The following DLG5 variants were observed in gnomAD, a reference collection of about 807,000 sequenced individuals.
DLG5 encodes discs large MAGUK scaffold protein 5, also known as disks large homolog 5.
Under a neutral mutation model 189.8 loss-of-function variants are expected in DLG5, and 48 were observed. The observed-to-expected ratio is 0.25, with a 90% confidence interval of 0.20 to 0.32. The LOEUF (loss-of-function observed/expected upper bound fraction) is 0.32, where lower values mean the gene tolerates loss of function less well. DLG5 is among the 10% of genes least tolerant of loss of function. DLG5 has a pLI of 1.00. For missense variants in DLG5, 2,160 were observed against 2,544.7 expected, an observed-to-expected ratio of 0.85 and a Z score of 3.25; for synonymous variants, 1,016 against 1,054.1, an observed-to-expected ratio of 0.96 and a Z score of 0.70.
At chr10:77,825,529 A>G (rs1368943618) in intron 13 of DLG5, among the ~76,000 whole-genome samples, 1 of 152,006 alleles carries the variant, frequency 6.6e-6, no homozygotes, top group Admixed American at 6.6e-5. Context: ...GCAGCTTCCT[A>G]TGAATCTATA....
intron 2 of DLG5, among the ~76,000 whole-genome samples, chr10:77,860,359 G>A (rs557514879): frequency 1.3e-5 from 2 of 152,262 alleles, no homozygotes; most frequent in South Asian, 2.1e-4. Flanking sequence ...GTGCAGTGGC[G>A]CGATCTCGGC....
Position 77,869,132 on chromosome 10 carries a change from C to A in DLG5, c.370G>T (p.Val124Leu). ...CTCCCCAGACAGTGGTACTCACCCA[C>A]ACTGCTGAGGGAGCTGCTGCTTTCT... The part of the protein sequence containing the change: ...DSESSSSLSS[V>L]GTTGKAPSPP... Residue 124 changes from valine to leucine, a missense_variant, in exon 2 of 32, where the codon GTG (valine) becomes TTG (leucine). Val to Leu is a conservative substitution (Grantham distance 32). This residue lies in a region of DLG5 where 664 missense variants were observed against 838.5 expected (regional missense o/e 0.79). Transcript: ENST00000372391. 6.2e-7 allele frequency: 1 copy of A among 1,613,874 alleles called. No individual in the cohort carries two copies.
the DLG5 span, among the ~76,000 whole-genome samples, chr10:77,940,319 G>A: frequency 6.6e-6 from 1 of 152,160 alleles, no homozygotes; most frequent in South Asian, 2.1e-4. Flanking sequence ...GCAAGTGATG[G>A]TAGCTGACTC....
chr10:77,926,997 T>TCCGGCCCGGCTCGGAGG (rs1293669639), upstream of DLG5: 20 of 352,420 alleles, frequency 5.7e-5, no homozygotes, highest in African/African-American at 4.2e-4. This position sits in a 1 kb window ranked among gnomAD's most constrained non-coding sequence, Gnocchi z 5.2. Flanking sequence ...TCCCGACAGC[T>TCCGGCCCGGCTCGGAGG]CCGGCCCGGC....
rs188397599 is a variant in DLG5, at chr10:77,892,134, C to T, written c.305-22937G>A. The stretch of plus-strand genomic sequence containing the variant: ...GATGGCACAGCTTCCTGGGATGCCC[C>T]AGCTTCCCGGGATGCCCCAGCTAAT... On this transcript the variant is annotated intron_variant, in intron 1 of 31. Coordinates refer to ENST00000372391, the MANE Select transcript of DLG5 (RefSeq NM_004747.4). 2.9e-3 allele frequency among the ~76,000 whole-genome samples: 446 copies of T among 152,288 alleles called. 3 individuals carry two copies. The highest frequency in any genetic ancestry group is 4.5e-3 in the Non-Finnish European group (306 of 68,020).
chr10:77,873,373 A>G (rs1257880275), intron 1 of DLG5, among the ~76,000 whole-genome samples: 2 of 152,106 alleles, frequency 1.3e-5, no homozygotes, highest in Admixed American at 1.3e-4. Context: ...TGGAAGCTGC[A>G]GCCAAAACCC....
At position 77,856,453 on chromosome 10, in the gene DLG5, G is replaced by GACACACACACACAC. The variant is rs58908767; in HGVS notation, c.536+263_536+276dup. ...GGCAGGTCTAGGAGACAGTGGTAGGGACACACACACACACACACACACACA... is the reference window on the plus strand; with the variant it reads ...GGCAGGTCTAGGAGACAGTGGTAGGGACACACACACACACACACACACACACACACACACACACA... On this transcript the variant is annotated intron_variant, in intron 3 of 31. Transcript: ENST00000372391. Among the ~76,000 whole-genome samples, 21 of 149,970 alleles carry GACACACACACACAC rather than the reference G, an allele frequency of 1.4e-4. 1 individual carries two copies. The South Asian group carries it at 4.2e-3, about 30-fold the overall frequency.
intron 1 of DLG5, among the ~76,000 whole-genome samples, chr10:77,873,595 G>T (rs187935481): frequency 1.3e-5 from 2 of 152,008 alleles, no homozygotes; most frequent in Non-Finnish European, 2.9e-5. Context: ...GCCCTCCCAG[G>T]CCCCCTCCCA....
chr10:77,919,499 GAA>G (rs570632429), intron 1 of DLG5, among the ~76,000 whole-genome samples: 1 of 119,640 alleles, frequency 8.4e-6, no homozygotes. Flanking sequence ...TGAACTGGGG[GAA>G]AAAAAAAAAA....
intron 1 of DLG5, among the ~76,000 whole-genome samples, chr10:77,882,479 C>A (rs183639010): frequency 6.6e-6 from 1 of 152,310 alleles, no homozygotes; most frequent in East Asian, 1.9e-4. Flanking sequence ...CACTGCAAAT[C>A]TTTCCCAGTC....
At chr10:77,868,002 C>T (rs752885040) in intron 2 of DLG5, 17 of 456,556 alleles carry the variant, frequency 3.7e-5, no homozygotes, top group Admixed American at 9.4e-5. Flanking sequence ...TGTCGGCAAA[C>T]CAAGGAGCAC....
At chr10:77,801,776 A>G (rs1420129454) in intron 27 of DLG5, among the ~76,000 whole-genome samples, 1 of 152,206 alleles carries the variant, frequency 6.6e-6, no homozygotes, top group Admixed American at 6.5e-5. Flanking sequence ...ACCAGCAATG[A>G]GTGTGGCAGG....
the DLG5 span, among the ~76,000 whole-genome samples, chr10:77,940,329 C>A: frequency 2.0e-5 from 3 of 152,202 alleles, no homozygotes; most frequent in Non-Finnish European, 4.4e-5. Context: ...GTAGCTGACT[C>A]CCTTGCTATA....
chr10:77,841,829 C>T (rs1428965230), intron 7 of DLG5, 52 bp downstream of exon 7: 4 of 1,563,716 alleles, frequency 2.6e-6, no homozygotes, highest in Non-Finnish European at 3.5e-6. Context: ...AGCCCCTCTT[C>T]CCGGGATGCT....
rs1318856472 is a variant in DLG5 at position 77,817,861 on chromosome 10, C to T, written c.3700G>A (p.Asp1234Asn). 1.3e-6 allele frequency: 2 copies of T among 1,552,648 alleles called. No homozygotes were observed. Among genetic ancestry groups the T allele is most frequent in the Non-Finnish European group, 1.7e-6 (2 of 1,147,548 alleles). ...TCGCTGCAGGTCCTGTGGCTCAGGTCCAGGCTCAGGCGTCCCTGGTGCTGG... is the reference window on the plus strand; with the variant it reads ...TCGCTGCAGGTCCTGTGGCTCAGGTTCAGGCTCAGGCGTCCCTGGTGCTGG... The part of the protein sequence containing the change: ...SVQHQGRLSL[D>N]LSHRTCSDYS... The change falls in exon 18 of 32, where the codon GAC (aspartate) becomes AAC (asparagine). Residue 1234 changes from aspartate (D) to asparagine (N), a missense_variant. Physicochemically the swap from Asp to Asn is conservative, Grantham distance 23 (BLOSUM62 1). Transcript: ENST00000372391.
At chr10:77,815,565 C>A (rs573752590) in intron 20 of DLG5, among the ~76,000 whole-genome samples, 1 of 152,214 alleles carries the variant, frequency 6.6e-6, no homozygotes, top group African/African-American at 2.4e-5. Flanking sequence ...GAGGCTGAGG[C>A]ACAAGAATCG....
At chr10:77,918,708 A>G (rs1846442953) in intron 1 of DLG5, among the ~76,000 whole-genome samples, 1 of 152,164 alleles carries the variant, frequency 6.6e-6, no homozygotes, top group Non-Finnish European at 1.5e-5. Flanking sequence ...CGAAAAAAAA[A>G]TCCAATTTCC....
chr10:77,808,972 G>A (rs1225562279), intron 24 of DLG5, among the ~76,000 whole-genome samples: 1 of 152,008 alleles, frequency 6.6e-6, no homozygotes, highest in African/African-American at 2.4e-5. Context: ...GTTGGCGCAT[G>A]CCTGTAATCT....
chr10:77,830,182 C>A (rs1315994971), intron 11 of DLG5, 35 bp downstream of exon 11: 1 of 1,612,818 alleles, frequency 6.2e-7, no homozygotes, highest in South Asian at 1.1e-5. Context: ...AGAAGGGCCC[C>A]ACCTTGCCTC....
Sources: gnomAD v4.1 joint callset for allele counts (sites outside exome capture counted in the v4.1 genomes callset) on GRCh38, gnomAD v4.1.1 for gene constraint, gnomAD v4.1.1 regional missense constraint, Gnocchi (gnomAD v3.1) non-coding constraint, MANE v1.5 for transcripts, NCBI Gene and HGNC (gene_info 2026-07-23, HGNC 2026-07-21) for gene names.